C5orf24: variants seen among roughly 807,000 people sequenced by gnomAD.
C5orf24 encodes UPF0461 protein C5orf24.
A neutral mutation model predicts 9.8 loss-of-function variants in C5orf24; 4 were observed. That is an observed-to-expected ratio of 0.41 (90% CI 0.20 to 0.93). The LOEUF (loss-of-function observed/expected upper bound fraction) is 0.93. Among genes scored for constraint, C5orf24 ranks in the 40% least tolerant of loss-of-function variants. The pLI, the probability that C5orf24 is intolerant of heterozygous loss-of-function variation, is 0.33. For synonymous variants in C5orf24, 73 were observed against 81.3 expected, an observed-to-expected ratio of 0.90 and a Z score of 0.55; for missense variants, 170 against 236.9, an observed-to-expected ratio of 0.72 and a Z score of 1.85.
upstream of C5orf24, among the ~76,000 whole-genome samples, chr5:134,845,444 G>C (rs1442008982): frequency 6.6e-6 from 1 of 152,202 alleles, no homozygotes; most frequent in Non-Finnish European, 1.5e-5. Flanking sequence ...GGGTTTGTGT[G>C]AGGTGACTGA....
chr5:134,859,260 G>C lies in C5orf24; in HGVS notation c.*3793G>C, dbSNP rs567688893. The stretch of plus-strand genomic sequence containing the variant: ...AAGAATTCAAAACAGTTTTTCAAAA[G>C]ATTTTTTTCCTTGGACATAAAAAAT... On this transcript the variant is annotated 3_prime_UTR_variant, in exon 2 of 2. Coordinates refer to ENST00000394976, the MANE Select transcript of C5orf24 (RefSeq NM_001135586.1). The C allele has an allele frequency of 2.4e-5, 4 of 166,952 alleles. No individual in the cohort carries two copies. The highest frequency in any genetic ancestry group is 2.1e-4 in the South Asian group (1 of 4,820). 10.3% of individuals were successfully genotyped at this position (166,952 alleles called of 1,614,324 possible). A position where few individuals can be genotyped will look rare whatever the true frequency, so the allele number is the denominator to read the frequency against.
Position 134,856,779 on chromosome 5 carries a change from A to G in C5orf24, c.*1312A>G, listed in dbSNP as rs1379851854. 38 of 1,000,152 alleles carry G rather than the reference A, an allele frequency of 3.8e-5. 1 individual carries two copies. The East Asian group carries it at 3.9e-3, about 101-fold the overall frequency. 62.0% of individuals were successfully genotyped at this position (1,000,152 alleles called of 1,614,324 possible). On this transcript the variant is annotated 3_prime_UTR_variant, in exon 2 of 2. Transcript: ENST00000394976. ...GCACTTACTGTGTTTTCAGGTTGAT[A>G]TCTACCAAAGGACACAAATTGAATG...
chr5:134,846,073 C>G lies in C5orf24; in HGVS notation c.-143C>G, dbSNP rs1755983957. 1 of 152,306 alleles carries G rather than the reference C, an allele frequency of 6.6e-6. No homozygotes were observed. The highest frequency in any genetic ancestry group is 2.4e-5 in the African/African-American group (1 of 41,454). The allele number at this position is 152,306 out of a possible 1,614,324, so 9.4% of individuals were successfully genotyped here. On this transcript the variant is annotated 5_prime_UTR_variant, in exon 1 of 2. Transcript: ENST00000394976. ...CCAGCGCCTGCCTCGCCGCCGCCCT[C>G]GCTGCCTGCCACTCCGTCTTGGCCC...
At chr5:134,851,794 G>A (rs1361513840) in intron 1 of C5orf24, among the ~76,000 whole-genome samples, 1 of 152,146 alleles carries the variant, frequency 6.6e-6, no homozygotes, top group Non-Finnish European at 1.5e-5. Context: ...CAGATAATGT[G>A]CAAAGAACCA....
chr5:134,845,272 C>A (rs1412271986), upstream of C5orf24, among the ~76,000 whole-genome samples: 1 of 152,182 alleles, frequency 6.6e-6, no homozygotes, highest in East Asian at 1.9e-4. Context: ...CTCAAATATC[C>A]TTCATTACAT....
At position 134,855,653 on chromosome 5, in the gene C5orf24, G is replaced by A; in HGVS notation, c.*186G>A. On this transcript the variant is annotated 3_prime_UTR_variant, in exon 2 of 2. Transcript: ENST00000394976. ...GACAGATGCACTCAGGGCATGAGCAGCGGCATTGTATTTGTACATAGGTTC... is the reference window on the plus strand; with the variant it reads ...GACAGATGCACTCAGGGCATGAGCAACGGCATTGTATTTGTACATAGGTTC... 1 of 1,457,138 alleles carries A rather than the reference G, an allele frequency of 6.9e-7. No homozygotes were observed. The highest frequency in any genetic ancestry group is 1.5e-5 in the South Asian group (1 of 65,592). 90.3% of individuals were successfully genotyped at this position (1,457,138 alleles called of 1,614,324 possible).
Position 134,855,033 on chromosome 5 carries a change from A to G in C5orf24, c.133A>G (p.Thr45Ala). ...YSSQQSKYSHTVNHKPMVCQR... is the reference protein window; with the variant it reads ...YSSQQSKYSHAVNHKPMVCQR... Reference sequence around the variant, plus strand: ...CTCCCAGCAAAGCAAATACAGCCACACAGTCAACCACAAACCAATGGTTTG... The same window carrying G: ...CTCCCAGCAAAGCAAATACAGCCACGCAGTCAACCACAAACCAATGGTTTG... Residue 45 changes from threonine (T) to alanine (A), a missense_variant, in exon 2 of 2, where the codon ACA becomes GCA. By Grantham distance (58) the Thr-to-Ala change is moderately conservative. Transcript: ENST00000394976. The G allele has an allele frequency of 6.2e-7, 1 of 1,614,252 alleles. No individual in the cohort carries two copies.
chr5:134,856,568 G>A lies in C5orf24; in HGVS notation c.*1101G>A. The A allele has an allele frequency of 2.7e-6, 1 of 367,186 alleles. No individual in the cohort carries two copies. The highest frequency in any genetic ancestry group is 4.0e-6 in the Non-Finnish European group (1 of 252,686). The allele number at this position is 367,186 out of a possible 1,614,324, so 22.7% of individuals were successfully genotyped here. On this transcript the variant is annotated 3_prime_UTR_variant, in exon 2 of 2. Coordinates refer to ENST00000394976, the MANE Select transcript of C5orf24 (RefSeq NM_001135586.1). ...AGGCAGGAGAATTGCTTAAATCCAG[G>A]AGGCGGAGGTTGCAGTGAGCCAAGA...
chr5:134,841,180 A>G (rs996555798), upstream of C5orf24, among the ~76,000 whole-genome samples: 2 of 151,952 alleles, frequency 1.3e-5, no homozygotes, highest in African/African-American at 2.4e-5. Flanking sequence ...GGATTATGTT[A>G]TTTCTTCAAT....
In C5orf24 at chr5:134,856,881, T is replaced by A. The variant is rs775219113; in HGVS notation, c.*1414T>A. ...CCAAATATTAAGAAGCATATAGGAA[T>A]CCATCTATGCATGAAACATGTAAAA... On this transcript the variant is annotated 3_prime_UTR_variant, in exon 2 of 2. Transcript: ENST00000394976. The A allele has an allele frequency of 1.0e-6, 1 of 1,000,790 alleles. No individual in the cohort carries two copies. Among genetic ancestry groups the A allele is most frequent in the Non-Finnish European group, 1.2e-6 (1 of 830,436 alleles). The allele number at this position is 1,000,790 out of a possible 1,614,324, so 62.0% of individuals were successfully genotyped here. A position where few individuals can be genotyped will look rare whatever the true frequency, so the allele number is the denominator to read the frequency against.
At chr5:134,839,092 T>C in the C5orf24 span, among the ~76,000 whole-genome samples, 1 of 151,766 alleles carries the variant, frequency 6.6e-6, no homozygotes, top group South Asian at 2.1e-4. Flanking sequence ...TCCCAGATAC[T>C]TGGGAGGCTG....
intron 1 of C5orf24, among the ~76,000 whole-genome samples, chr5:134,848,495 A>T (rs756953241): frequency 3.0e-5 from 4 of 134,550 alleles, no homozygotes; most frequent in African/African-American, 1.1e-4. Context: ...CGTTTCTACT[A>T]AAAAAAAAAA....
chr5:134,857,078 T>A lies in C5orf24; in HGVS notation c.*1611T>A. On this transcript the variant is annotated 3_prime_UTR_variant, in exon 2 of 2. Transcript: ENST00000394976. ...AGAGGGAAATCTTTCTTCTTTCCTTTCTGAAAGTAATACTTCTTGTTACAC... is the reference window on the plus strand; with the variant it reads ...AGAGGGAAATCTTTCTTCTTTCCTTACTGAAAGTAATACTTCTTGTTACAC... 8.7e-7 allele frequency: 1 copy of A among 1,147,698 alleles called. No individual in the cohort carries two copies. The highest frequency in any genetic ancestry group is 3.1e-5 in the South Asian group (1 of 32,276). 71.1% of individuals were successfully genotyped at this position (1,147,698 alleles called of 1,614,324 possible).
At chr5:134,838,562 C>T in the C5orf24 span, among the ~76,000 whole-genome samples, 2 of 151,952 alleles carry the variant, frequency 1.3e-5, no homozygotes, top group African/African-American at 4.8e-5. Flanking sequence ...CCCAGCTACT[C>T]GGGAGGCTGA....
intron 1 of C5orf24, among the ~76,000 whole-genome samples, chr5:134,850,359 C>G (rs982532521): frequency 6.6e-6 from 1 of 151,956 alleles, no homozygotes; most frequent in Admixed American, 6.6e-5. Context: ...GTTGGTCAGG[C>G]TGGTCTCAAA....
chr5:134,838,544 C>T, the C5orf24 span, among the ~76,000 whole-genome samples: 1 of 152,042 alleles, frequency 6.6e-6, no homozygotes, highest in Non-Finnish European at 1.5e-5. Context: ...TTGGCAGGCA[C>T]CTGTAATCCC....
intron 1 of C5orf24, among the ~76,000 whole-genome samples, chr5:134,850,919 C>CAT (rs201093286): frequency 0.019 from 2,664 of 140,400 alleles, 38 homozygotes; most frequent in African/African-American, 0.039. Context: ...TATGAATGTT[C>CAT]ATATATATAT....
upstream of C5orf24, among the ~76,000 whole-genome samples, chr5:134,845,040 C>G (rs568549568): frequency 6.6e-6 from 1 of 152,294 alleles, no homozygotes; most frequent in African/African-American, 2.4e-5. Context: ...CCAGGCTGTC[C>G]AGAGTTTTTA....
chr5:134,839,581 A>C, the C5orf24 span, among the ~76,000 whole-genome samples: 2 of 152,062 alleles, frequency 1.3e-5, no homozygotes, highest in Admixed American at 1.3e-4. Flanking sequence ...CATTATTAGA[A>C]TATGTCAATA....
Sources: allele counts gnomAD v4.1 joint callset (sites outside exome capture counted in the v4.1 genomes callset), GRCh38; gene constraint gnomAD v4.1.1; transcripts MANE v1.5; gene names NCBI Gene and HGNC (gene_info 2026-07-23, HGNC 2026-07-21).